The following GZMK variants were observed in gnomAD, a reference collection of about 807,000 sequenced individuals.
The protein encoded by GZMK is granzyme K.
In GZMK, 18 loss-of-function variants were observed where a neutral mutation model predicts 22.8. That is an observed-to-expected ratio of 0.79 (90% CI 0.54 to 1.17). The LOEUF (loss-of-function observed/expected upper bound fraction) is 1.17, where lower values mean the gene tolerates loss of function less well. Ranked by LOEUF, GZMK falls within the 50% of genes most tolerant of loss-of-function variation. The pLI is 0.00. For missense variants in GZMK, 342 were observed against 320.2 expected (o/e 1.07, Z -0.52); for synonymous variants, 136 against 115.0 (o/e 1.18, Z -1.17).
At chr5:55,031,101 A>G (rs1741222068) in intron 3 of GZMK, among the ~76,000 whole-genome samples, 3 of 152,218 alleles carry the variant, frequency 2.0e-5, no homozygotes, top group Admixed American at 2.0e-4. Context: ...AAACCATCCA[A>G]TGCAGGGCAA....
At chr5:55,029,092 A>G (rs4865911) in intron 2 of GZMK, among the ~76,000 whole-genome samples, 71,540 of 151,898 alleles carry the variant, frequency 0.47, 20,112 homozygotes, top group African/African-American at 0.79. Context: ...AAAATTAGCC[A>G]GGTGTGGCGG....
In GZMK at chr5:55,031,520, ACTGTC is replaced by A; in HGVS notation, c.523_527del (p.Val175LysfsTer35). ...TGACACCCTGCGAGAAGTCACTGTTACTGTCCTAAGTCGAAAACTTTGCAACAGCC... is the reference window on the plus strand; with the variant it reads ...TGACACCCTGCGAGAAGTCACTGTTACTAAGTCGAAAACTTTGCAACAGCC... On this transcript the variant is annotated frameshift_variant, in exon 4 of 5. Coordinates refer to ENST00000231009, the MANE Select transcript of GZMK (RefSeq NM_002104.3). LOFTEE classifies it high-confidence loss of function. 6.2e-7 allele frequency: 1 copy of A among 1,614,148 alleles called. No homozygotes were observed. Among genetic ancestry groups the A allele is most frequent in the Non-Finnish European group, 8.5e-7 (1 of 1,179,960 alleles).
intron 4 of GZMK, chr5:55,032,815 G>A (rs1314884170): frequency 3.3e-5 from 5 of 152,166 alleles, no homozygotes; most frequent in African/African-American, 1.2e-4. Context: ...AGGTGTTCAT[G>A]TTTGTATGAA....
Position 55,031,597 on chromosome 5 carries a change from T to C in GZMK, c.597T>C (p.Cys199=). The C allele has an allele frequency of 1.9e-6, 3 of 1,614,012 alleles. No homozygotes were observed. The highest frequency in any genetic ancestry group is 1.7e-6 in the Non-Finnish European group (2 of 1,179,854). ...CTTTTATCACCAAAGACATGGTCTGTGCAGGAGATGCCAAAGGCCAGAAGG... is the reference window on the plus strand; with the variant it reads ...CTTTTATCACCAAAGACATGGTCTGCGCAGGAGATGCCAAAGGCCAGAAGG... ...GDPFITKDMV[C]AGDAKGQKDS... The change falls in exon 4 of 5, where the codon TGT becomes TGC. Residue 199 remains cysteine (C), a synonymous_variant. Coordinates refer to ENST00000231009, the MANE Select transcript of GZMK (RefSeq NM_002104.3).
At position 55,034,082 on chromosome 5, in the gene GZMK, T is replaced by C; in HGVS notation, c.*156T>C. On this transcript the variant is annotated 3_prime_UTR_variant, in exon 5 of 5. Transcript: ENST00000231009. ...TCAAGTTCTTTTTCACTTGTATCAC[T>C]GATGTATTTCTACCATGCTGGTTTT... The C allele has an allele frequency of 1.8e-6, 1 of 564,648 alleles. No individual in the cohort carries two copies. The highest frequency in any genetic ancestry group is 2.5e-5 in the South Asian group (1 of 39,820). The allele number at this position is 564,648 out of a possible 1,614,324, so 35.0% of individuals were successfully genotyped here.
chr5:55,026,198 ATCTTTCTTTCTT>A (rs111850140), intron 2 of GZMK, among the ~76,000 whole-genome samples: 1 of 151,750 alleles, frequency 6.6e-6, no homozygotes, highest in South Asian at 2.1e-4. Context: ...ACACTGAAAG[ATCTTTCTTTCTT>A]TCTTTCTTTC....
chr5:55,031,239 A>G, intron 3 of GZMK, 125 bp from the exon 4 acceptor site: 1 of 757,938 alleles, frequency 1.3e-6, no homozygotes, highest in Non-Finnish European at 2.2e-6. Flanking sequence ...GCTGCAGGCC[A>G]CCACCAAAGT....
At chr5:55,024,454 G>A (rs1026411741) in intron 1 of GZMK, 68 bp downstream of exon 1, 4 of 846,892 alleles carry the variant, frequency 4.7e-6, no homozygotes, top group Admixed American at 2.2e-5. Flanking sequence ...TTATATTATA[G>A]ATGAAAATTA....
At chr5:55,029,700 T>C (rs1168397304) in intron 2 of GZMK, among the ~76,000 whole-genome samples, 1 of 152,182 alleles carries the variant, frequency 6.6e-6, no homozygotes, top group Non-Finnish European at 1.5e-5. Context: ...TGCACCACCA[T>C]GCCCAGCATG....
chr5:55,024,837 GT>G, intron 2 of GZMK, 30 bp downstream of exon 2: 1 of 1,476,602 alleles, frequency 6.8e-7, no homozygotes, highest in Non-Finnish European at 9.2e-7. Flanking sequence ...CCAGACATGT[GT>G]TTTTTCTGAA....
chr5:55,031,021 C>T (rs886654367), intron 3 of GZMK, among the ~76,000 whole-genome samples: 2 of 152,206 alleles, frequency 1.3e-5, no homozygotes, highest in Non-Finnish European at 2.9e-5. Context: ...CTAGACCATA[C>T]TCAAGGGTCC....
intron 2 of GZMK, among the ~76,000 whole-genome samples, chr5:55,029,464 G>C (rs1472321934): frequency 1.3e-5 from 2 of 152,152 alleles, no homozygotes; most frequent in East Asian, 3.9e-4. Flanking sequence ...TCATGTAATA[G>C]GCCTTACTTC....
At chr5:55,031,276 A>C (rs1360269768) in intron 3 of GZMK, 88 bp from the exon 4 acceptor site, 1 of 1,133,280 alleles carries the variant, frequency 8.8e-7, no homozygotes, top group Admixed American at 2.0e-5. Context: ...ACGCCCGCCT[A>C]AGACAGAGGG....
At position 55,024,817 on chromosome 5, in the gene GZMK, C is replaced by T. The variant is rs1449667549; in HGVS notation, c.212+10C>T. 6.5e-7 allele frequency: 1 copy of T among 1,544,104 alleles called. No individual in the cohort carries two copies. Among genetic ancestry groups the T allele is most frequent in the Admixed American group, 1.9e-5 (1 of 53,030 alleles). On this transcript the variant is annotated intron_variant, in intron 2 of 4. Transcript: ENST00000231009. Reference sequence around the variant, plus strand: ...CCCACTGCCAATATCGGTGAGTCCTCCACACTTTTCCAGACATGTGTTTTT... The same window carrying T: ...CCCACTGCCAATATCGGTGAGTCCTTCACACTTTTCCAGACATGTGTTTTT...
Position 55,031,570 on chromosome 5 carries a change from C to A in GZMK, c.570C>A (p.Asp190Glu), listed in dbSNP as rs1487145051. The A allele has an allele frequency of 1.2e-6, 2 of 1,613,736 alleles. No homozygotes were observed. The highest frequency in any genetic ancestry group is 2.7e-5 in the African/African-American group (2 of 74,916). The stretch of plus-strand genomic sequence containing the variant: ...ACAGCCAAAGTTACTACAACGGCGA[C>A]CCTTTTATCACCAAAGACATGGTCT... ...LCNSQSYYNG[D>E]PFITKDMVCA... Residue 190 changes from aspartate (D) to glutamate (E), a missense_variant, in exon 4 of 5, where the codon GAC becomes GAA. Transcript: ENST00000231009.
chr5:55,029,921 G>A (rs1741194542), intron 2 of GZMK, among the ~76,000 whole-genome samples: 2 of 152,176 alleles, frequency 1.3e-5, no homozygotes, highest in South Asian at 4.1e-4. Flanking sequence ...GGAGATGATA[G>A]TGGTGGATGA....
chr5:55,029,790 A>C (rs1741192026), intron 2 of GZMK, among the ~76,000 whole-genome samples: 1 of 152,124 alleles, frequency 6.6e-6, no homozygotes, highest in Non-Finnish European at 1.5e-5. Flanking sequence ...TCCTGGCCTC[A>C]AATGATCCTC....
chr5:55,029,396 T>G (rs999492303), intron 2 of GZMK, among the ~76,000 whole-genome samples: 2 of 152,214 alleles, frequency 1.3e-5, no homozygotes, highest in African/African-American at 4.8e-5. Flanking sequence ...AAGTTTTCCT[T>G]TCTTGTCCAA....
chr5:55,024,678 T>C lies in GZMK; in HGVS notation c.83T>C (p.Ile28Thr). Reference protein sequence around the residue: ...MTHVCFNMEIIGGKEVSPHSR... With the variant: ...MTHVCFNMEITGGKEVSPHSR... ...TTTGTAGGTTTCAATATGGAAATTA[T>C]TGGAGGGAAAGAAGTGTCACCTCAT... The change falls in exon 2 of 5, where the codon ATT (isoleucine) becomes ACT (threonine). Residue 28 changes from isoleucine (I) to threonine (T), a missense_variant. Ile to Thr is a moderately conservative substitution (Grantham distance 89). Coordinates refer to ENST00000231009, the MANE Select transcript of GZMK (RefSeq NM_002104.3). 6.2e-7 allele frequency: 1 copy of C among 1,608,806 alleles called. No individual in the cohort carries two copies. The highest frequency in any genetic ancestry group is 8.5e-7 in the Non-Finnish European group (1 of 1,175,720).
Sources: allele counts gnomAD v4.1 joint callset (sites outside exome capture counted in the v4.1 genomes callset), GRCh38; gene constraint gnomAD v4.1.1; transcripts MANE v1.5; gene names NCBI Gene and HGNC (gene_info 2026-07-23, HGNC 2026-07-21).